The following SLC1A3 variants were observed in gnomAD, a reference collection of about 807,000 sequenced individuals.
SLC1A3 encodes the protein excitatory amino acid transporter 1.
A neutral mutation model predicts 48.1 loss-of-function variants in SLC1A3; 21 were observed. The ratio of observed to expected loss-of-function variants is 0.44; its 90% CI spans 0.31 to 0.63. The LOEUF (loss-of-function observed/expected upper bound fraction) is 0.63, where lower values mean the gene tolerates loss of function less well. Ranked by LOEUF, SLC1A3 falls within the 20% of genes least tolerant of loss-of-function variation. SLC1A3 has a pLI of 0.08. For synonymous variants in SLC1A3, 239 were observed against 251.4 expected (o/e 0.95, Z 0.47); for missense variants, 546 against 689.0 (o/e 0.79, Z 2.32).
At chr5:36,659,477 C>T (rs1741418838) in intron 3 of SLC1A3, among the ~76,000 whole-genome samples, 1 of 152,174 alleles carries the variant, frequency 6.6e-6, no homozygotes, top group Non-Finnish European at 1.5e-5. Flanking sequence ...ATTAAGGCAT[C>T]ACGTATGTTA....
chr5:36,621,283 G>A (rs1739655373), intron 2 of SLC1A3, among the ~76,000 whole-genome samples: 1 of 152,170 alleles, frequency 6.6e-6, no homozygotes, highest in Non-Finnish European at 1.5e-5. Flanking sequence ...CCAGTGCAAG[G>A]ACCATAAAGG....
At chr5:36,681,296 G>A (rs1742434230) in intron 8 of SLC1A3, among the ~76,000 whole-genome samples, 1 of 152,088 alleles carries the variant, frequency 6.6e-6, no homozygotes, top group African/African-American at 2.4e-5. Context: ...CAATAAATAT[G>A]TCTACTTCAT....
At chr5:36,639,853 C>T (rs990308426) in intron 3 of SLC1A3, among the ~76,000 whole-genome samples, 2 of 152,222 alleles carry the variant, frequency 1.3e-5, no homozygotes, top group Non-Finnish European at 2.9e-5. Flanking sequence ...CACACACACT[C>T]ACAAACATGA....
chr5:36,644,289 G>C (rs1416419230), intron 3 of SLC1A3, among the ~76,000 whole-genome samples: 1 of 152,108 alleles, frequency 6.6e-6, no homozygotes, highest in Non-Finnish European at 1.5e-5. Context: ...GAAGTCATAA[G>C]ATATGTAGTC....
At chr5:36,657,580 G>A (rs757892885) in intron 3 of SLC1A3, among the ~76,000 whole-genome samples, 11 of 152,092 alleles carry the variant, frequency 7.2e-5, no homozygotes, top group African/African-American at 2.4e-4. Flanking sequence ...GTTTTCATAC[G>A]ACATAAGCCC....
chr5:36,686,202 A>G lies in SLC1A3; in HGVS notation c.1562A>G (p.Lys521Arg). The G allele has an allele frequency of 6.2e-7, 1 of 1,614,156 alleles. No homozygotes were observed. The highest frequency in any genetic ancestry group is 1.1e-5 in the South Asian group (1 of 91,084). ...GTGATTGAAGAGAATGAAATGAAGA[A>G]ACCATATCAACTGATTGCACAGGAC... ...NSVIEENEMKKPYQLIAQDNE... is the reference protein window; with the variant it reads ...NSVIEENEMKRPYQLIAQDNE... The change falls in exon 10 of 10, where the codon AAA becomes AGA. Residue 521 changes from lysine (K) to arginine (R), a missense_variant. Transcript: ENST00000265113.
intron 3 of SLC1A3, among the ~76,000 whole-genome samples, chr5:36,651,540 C>A (rs1741074986): frequency 6.9e-6 from 1 of 143,976 alleles, no homozygotes; most frequent in South Asian, 2.3e-4. Context: ...CCTCCCCACC[C>A]TCCCACCCCC....
At position 36,679,580 on chromosome 5, in the gene SLC1A3, C is replaced by T. The variant is rs534916191; in HGVS notation, c.861-47C>T. 6.0e-5 allele frequency: 81 copies of T among 1,357,214 alleles called. No homozygotes were observed. In the South Asian group the frequency reaches 9.1e-4, roughly 15 times the overall value. 84.1% of individuals were successfully genotyped at this position (1,357,214 alleles called of 1,614,324 possible). A position where few individuals can be genotyped will look rare whatever the true frequency, so the allele number is the denominator to read the frequency against. On this transcript the variant is annotated intron_variant, in intron 6 of 9. Transcript: ENST00000265113. The stretch of plus-strand genomic sequence containing the variant: ...TCACTTGGAAATTTCTGTGGACTAG[C>T]TTGGTGGAAACCAGACTCCAACCGT...
chr5:36,657,675 T>C (rs1262222033), intron 3 of SLC1A3, among the ~76,000 whole-genome samples: 1 of 152,172 alleles, frequency 6.6e-6, no homozygotes, highest in Non-Finnish European at 1.5e-5. Context: ...GAAACCAACA[T>C]GATGAAGTTG....
At chr5:36,613,158 A>G (rs1561238974) in intron 2 of SLC1A3, 1 of 230,578 alleles carries the variant, frequency 4.3e-6, no homozygotes, top group Non-Finnish European at 8.8e-6. Flanking sequence ...GTGCATATAC[A>G]ATGGAAGAAG....
At chr5:36,617,919 A>G (rs1371167620) in intron 2 of SLC1A3, among the ~76,000 whole-genome samples, 2 of 152,184 alleles carry the variant, frequency 1.3e-5, no homozygotes, top group Non-Finnish European at 2.9e-5. Flanking sequence ...CTAAAGGTAT[A>G]CTCATTCATA....
chr5:36,647,314 A>C (rs1334253514), intron 3 of SLC1A3, among the ~76,000 whole-genome samples: 1 of 152,186 alleles, frequency 6.6e-6, no homozygotes, highest in African/African-American at 2.4e-5. Flanking sequence ...TCATAATGAA[A>C]CCTACTTAGA....
chr5:36,608,472 A>G lies in SLC1A3; in HGVS notation c.49A>G (p.Arg17Gly), dbSNP rs151121541. The change falls in exon 2 of 10, where the codon AGA (arginine) becomes GGA (glycine). Residue 17 changes from arginine (R) to glycine (G), a missense_variant. Physicochemically the swap from Arg to Gly is moderately radical, Grantham distance 125 (BLOSUM62 -2). Coordinates refer to ENST00000265113, the MANE Select transcript of SLC1A3 (RefSeq NM_004172.5). The stretch of plus-strand genomic sequence containing the variant: ...GCCCAAGATGGGGGGCAGGATGGAG[A>G]GATTCCAGCAGGGAGTCCGTAAACG... ...EEPKMGGRME[R>G]FQQGVRKRTL... 1.2e-6 allele frequency: 2 copies of G among 1,614,072 alleles called. No homozygotes were observed. Among genetic ancestry groups the G allele is most frequent in the Non-Finnish European group, 8.5e-7 (1 of 1,179,916 alleles).
chr5:36,683,805 T>C (rs923652505), intron 8 of SLC1A3, 59 bp from the exon 9 acceptor site: 170 of 1,603,238 alleles, frequency 1.1e-4, no homozygotes, highest in Non-Finnish European at 1.4e-4. Context: ...TTGCAGCGTA[T>C]ATGCTCTACG....
intron 3 of SLC1A3, among the ~76,000 whole-genome samples, chr5:36,644,843 C>T (rs1310777415): frequency 6.6e-6 from 1 of 152,198 alleles, no homozygotes; most frequent in African/African-American, 2.4e-5. Context: ...AGACATTCCT[C>T]AGCCGCCCCT....
rs1742691150 is a variant in SLC1A3 at position 36,687,305 on chromosome 5, A to G, written c.*1036A>G. The stretch of plus-strand genomic sequence containing the variant: ...AGGGTGCTTGTGGTCACACTGTGGA[A>G]CACTAAAGAGCTAGGAAAGAGTTGA... On this transcript the variant is annotated 3_prime_UTR_variant, in exon 10 of 10. Transcript: ENST00000265113. 1 of 152,282 alleles carries G rather than the reference A, an allele frequency of 6.6e-6. No homozygotes were observed. Among genetic ancestry groups the G allele is most frequent in the Non-Finnish European group, 1.5e-5 (1 of 68,064 alleles). 9.4% of individuals were successfully genotyped at this position (152,282 alleles called of 1,614,324 possible).
chr5:36,638,312 G>C (rs914324176), intron 3 of SLC1A3, among the ~76,000 whole-genome samples: 3 of 152,092 alleles, frequency 2.0e-5, no homozygotes, highest in African/African-American at 7.2e-5. Flanking sequence ...AGCAGCCTTC[G>C]CAAGCCCCTC....
chr5:36,676,633 T>G (rs1355082612), intron 5 of SLC1A3, among the ~76,000 whole-genome samples: 1 of 135,658 alleles, frequency 7.4e-6, no homozygotes, highest in Admixed American at 7.7e-5. Flanking sequence ...ATTTGTTATG[T>G]ATTTGAGTGT....
intron 1 of SLC1A3, among the ~76,000 whole-genome samples, chr5:36,598,998 A>T (rs1427093112): frequency 6.6e-6 from 1 of 152,356 alleles, no homozygotes; most frequent in East Asian, 1.9e-4. Context: ...TGAAGTCAAT[A>T]TAAGTATTAA....
Sources: allele counts gnomAD v4.1 joint callset (sites outside exome capture counted in the v4.1 genomes callset), GRCh38; gene constraint gnomAD v4.1.1; transcripts MANE v1.5; gene names NCBI Gene and HGNC (gene_info 2026-07-23, HGNC 2026-07-21).